The following EWSR1 variants were observed in gnomAD, a reference collection of about 807,000 sequenced individuals.
EWSR1 encodes EWS RNA binding protein 1, also known as RNA-binding protein EWS.
EWSR1 carries 14 observed loss-of-function variants against 92.1 expected under a neutral mutation model. The observed-to-expected ratio is 0.15, with a 90% confidence interval of 0.10 to 0.24. The LOEUF (loss-of-function observed/expected upper bound fraction) is 0.24, where lower values mean the gene tolerates loss of function less well. EWSR1 is among the 10% of genes least tolerant of loss of function. EWSR1 has a pLI of 1.00. For synonymous variants in EWSR1, 303 were observed against 292.9 expected, an observed-to-expected ratio of 1.03 and a Z score of -0.35; for missense variants, 637 against 870.9, an observed-to-expected ratio of 0.73 and a Z score of 3.38.
At chr22:29,293,833 T>C (rs180684016) in intron 11 of EWSR1, among the ~76,000 whole-genome samples, 2 of 151,524 alleles carry the variant, frequency 1.3e-5, no homozygotes, top group African/African-American at 2.4e-5. Context: ...CTCCCAAAGT[T>C]TTGTGATTGC....
intron 8 of EWSR1, chr22:29,290,181 G>T: frequency 2.4e-6 from 1 of 413,676 alleles, no homozygotes; most frequent in Non-Finnish European, 4.4e-6. Flanking sequence ...TTTCCCCATA[G>T]GTTTTTCAAC....
intron 11 of EWSR1, among the ~76,000 whole-genome samples, chr22:29,294,623 C>T (rs1378017409): frequency 7.2e-6 from 1 of 139,004 alleles, no homozygotes; most frequent in African/African-American, 2.7e-5. Context: ...AAAAAAAATA[C>T]AGTTGATTTT....
chr22:29,299,465 A>C (rs1242269666), intron 15 of EWSR1, 134 bp downstream of exon 15: 2 of 1,486,986 alleles, frequency 1.3e-6, no homozygotes, highest in African/African-American at 1.4e-5. Context: ...CTAAATTGTC[A>C]GCCCGATGCC....
chr22:29,268,357 T>G lies in EWSR1; in HGVS notation c.13+8T>G, dbSNP rs765303745. 10 of 1,614,066 alleles carry G rather than the reference T, an allele frequency of 6.2e-6. No homozygotes were observed. The highest frequency in any genetic ancestry group is 8.5e-6 in the Non-Finnish European group (10 of 1,179,978). The stretch of plus-strand genomic sequence containing the variant: ...AGAAAATGGCGTCCACGGGTGAGTA[T>G]GGTGGAACTGCGGTCGCGCCGGCGG... On this transcript the variant is annotated splice_region_variant and intron_variant, in intron 1 of 16. Transcript: ENST00000397938.
chr22:29,286,401 C>T, intron 6 of EWSR1, among the ~76,000 whole-genome samples: 1 of 151,826 alleles, frequency 6.6e-6, no homozygotes, highest in Non-Finnish European at 1.5e-5. Flanking sequence ...AATATTTCCC[C>T]CTCCCAGCTG....
In EWSR1 at chr22:29,292,555, T is replaced by C. The variant is rs745862670; in HGVS notation, c.1113T>C (p.Ser371=). Residue 371 remains serine (S), a synonymous_variant, in exon 11 of 17, where the codon AGT becomes AGC. Coordinates refer to ENST00000397938, the MANE Select transcript of EWSR1 (RefSeq NM_005243.4). ...SAIYVQGLND[S]VTLDDLADFF... is the part of the protein sequence containing the mutation. ...TTTATGTACAAGGATTAAATGACAG[T>C]GTGACTCTAGATGATCTGGCAGACT... 12 of 1,613,912 alleles carry C rather than the reference T, an allele frequency of 7.4e-6. No homozygotes were observed. Among genetic ancestry groups the C allele is most frequent in the Admixed American group, 3.3e-5 (2 of 59,998 alleles).
At chr22:29,287,712 T>G (rs548156925) in intron 7 of EWSR1, among the ~76,000 whole-genome samples, 1 of 152,264 alleles carries the variant, frequency 6.6e-6, no homozygotes, top group Non-Finnish European at 1.5e-5. Flanking sequence ...TTTAGACTGC[T>G]AGCCCTGCTG....
chr22:29,278,565 C>A (rs541776588), intron 5 of EWSR1, among the ~76,000 whole-genome samples: 83 of 152,276 alleles, frequency 5.5e-4, no homozygotes, highest in African/African-American at 1.9e-3. Context: ...TGGCTCACGC[C>A]TGTAATCCCA....
chr22:29,276,354 CTA>C (rs1312650890), intron 4 of EWSR1: 3 of 227,736 alleles, frequency 1.3e-5, no homozygotes, highest in Non-Finnish European at 2.6e-5. Context: ...TTTTCTGGAA[CTA>C]TGTATACTTT....
intron 13 of EWSR1, 109 bp from the exon 14 acceptor site, chr22:29,298,624 G>C (rs2061072605): frequency 1.5e-6 from 2 of 1,356,616 alleles, no homozygotes; most frequent in Admixed American, 1.7e-5. Flanking sequence ...CAGGTGATGG[G>C]GAAATGACAG....
rs570490697 is a variant in EWSR1, at chr22:29,298,347, A to G, written c.1418-386A>G. 2.3e-3 allele frequency among the ~76,000 whole-genome samples: 345 copies of G among 152,194 alleles called. 2 individuals are homozygous for G. Among genetic ancestry groups the G allele is most frequent in the Non-Finnish European group, 3.6e-3 (242 of 68,004 alleles). Reference sequence around the variant, plus strand: ...GTGGTGAAACTCCCTCTCTACTAAAAATACAAAAATTAGCCGGGTATGGTG... The same window carrying G: ...GTGGTGAAACTCCCTCTCTACTAAAGATACAAAAATTAGCCGGGTATGGTG... On this transcript the variant is annotated intron_variant, in intron 13 of 16. Coordinates refer to ENST00000397938, the MANE Select transcript of EWSR1 (RefSeq NM_005243.4).
rs1008762068 is a variant in EWSR1 at position 29,298,054 on chromosome 22, G to C, written c.1417+105G>C. The C allele has an allele frequency of 1.5e-5, 19 of 1,239,920 alleles. No individual in the cohort carries two copies. In the African/African-American group the frequency reaches 2.5e-4, roughly 17 times the overall value. 76.8% of individuals were successfully genotyped at this position (1,239,920 alleles called of 1,614,324 possible). ...GAAGAAATATAAAATTGTGTGTAGA[G>C]TCAATACTAGACTATCGAGAGCTAA... On this transcript the variant is annotated intron_variant, in intron 13 of 16. Transcript: ENST00000397938.
chr22:29,293,448 A>T (rs557604870), intron 11 of EWSR1, among the ~76,000 whole-genome samples: 4 of 152,186 alleles, frequency 2.6e-5, no homozygotes, highest in Non-Finnish European at 5.9e-5. Context: ...AAACCTTAAA[A>T]CCCCAATTGA....
chr22:29,292,395 T>C, intron 10 of EWSR1, 93 bp from the exon 11 acceptor site: 1 of 982,892 alleles, frequency 1.0e-6, no homozygotes, highest in Non-Finnish European at 1.6e-6. Flanking sequence ...TTCTTAGATT[T>C]ATGATGAATA....
chr22:29,286,082 G>A (rs1255367400), intron 6 of EWSR1, among the ~76,000 whole-genome samples: 2 of 151,868 alleles, frequency 1.3e-5, no homozygotes, highest in African/African-American at 4.8e-5. Flanking sequence ...CTCATGATGT[G>A]CCTGCCTCGG....
At chr22:29,275,612 T>G (rs1262883756) in intron 4 of EWSR1, 1 of 229,378 alleles carries the variant, frequency 4.4e-6, no homozygotes, top group Non-Finnish European at 8.6e-6. Context: ...AGGAGCCTAA[T>G]TGGTAGTGCG....
chr22:29,290,258 T>C lies in EWSR1; in HGVS notation c.975-1304T>C, dbSNP rs1052214159. On this transcript the variant is annotated intron_variant, in intron 8 of 16. Coordinates refer to ENST00000397938, the MANE Select transcript of EWSR1 (RefSeq NM_005243.4). ...GCATTTCCCTCGTTGCCCCCCTTTT[T>C]ATTGTGGTGTGGTGATGGTTTTCAG... 3 of 610,820 alleles carry C rather than the reference T, an allele frequency of 4.9e-6. No individual in the cohort carries two copies. In the African/African-American group the frequency reaches 5.7e-5, roughly 12 times the overall value. 37.8% of individuals were successfully genotyped at this position (610,820 alleles called of 1,614,324 possible). A position where few individuals can be genotyped will look rare whatever the true frequency, so the allele number is the denominator to read the frequency against.
intron 12 of EWSR1, among the ~76,000 whole-genome samples, chr22:29,296,915 C>T (rs1156673904): frequency 6.6e-6 from 1 of 152,148 alleles, no homozygotes; most frequent in Non-Finnish European, 1.5e-5. Flanking sequence ...TTGTGGCACA[C>T]TCCTATACCT....
At chr22:29,293,198 G>C (rs2060576854) in intron 11 of EWSR1, among the ~76,000 whole-genome samples, 1 of 152,062 alleles carries the variant, frequency 6.6e-6, no homozygotes, top group African/African-American at 2.4e-5. Flanking sequence ...TAGTGGAGAT[G>C]GATTTTTGCC....
Sources: allele counts gnomAD v4.1 joint callset (sites outside exome capture counted in the v4.1 genomes callset), GRCh38; gene constraint gnomAD v4.1.1; transcripts MANE v1.5; gene names NCBI Gene and HGNC (gene_info 2026-07-23, HGNC 2026-07-21).